Variants in DSCAM observed in about 807,000 individuals in gnomAD.
DSCAM encodes the protein cell adhesion molecule DSCAM.
Under a neutral mutation model 217.7 loss-of-function variants are expected in DSCAM, and 47 were observed. That is an observed-to-expected ratio of 0.22 (90% CI 0.17 to 0.28). DSCAM has a LOEUF of 0.28. Ranked by LOEUF, DSCAM falls within the 10% of genes least tolerant of loss-of-function variation. The probability of loss-of-function intolerance (pLI) is 1.00; values close to 1 mark genes in which losing one functional copy is unlikely to be tolerated. For synonymous variants in DSCAM, 1,056 were observed against 1,015.3 expected (o/e 1.04, Z -0.76); for missense variants, 2,080 against 2,618.3 (o/e 0.79, Z 4.49).
At chr21:40,138,649 G>T (rs1425587874) in intron 18 of DSCAM, among the ~76,000 whole-genome samples, 40 of 132,612 alleles carry the variant, frequency 3.0e-4, no homozygotes, top group Non-Finnish European at 5.1e-4. Flanking sequence ...CGTGTGTGTG[G>T]GGGGTGTGTG....
At chr21:40,594,662 A>T (rs1470865087) in intron 3 of DSCAM, among the ~76,000 whole-genome samples, 1 of 152,206 alleles carries the variant, frequency 6.6e-6, no homozygotes, top group Non-Finnish European at 1.5e-5. Flanking sequence ...GTGTGAACAG[A>T]GGGTCGCATG....
At chr21:40,502,547 A>G (rs1438269282) in intron 3 of DSCAM, among the ~76,000 whole-genome samples, 1 of 152,098 alleles carries the variant, frequency 6.6e-6, no homozygotes, top group Non-Finnish European at 1.5e-5. Context: ...ATTTTTTCCA[A>G]TGTCTAGAGG....
chr21:40,502,339 T>C (rs1361750228), intron 3 of DSCAM, among the ~76,000 whole-genome samples: 2 of 152,160 alleles, frequency 1.3e-5, no homozygotes, highest in African/African-American at 4.8e-5. Flanking sequence ...CATCATGGAT[T>C]TTATCTAATT....
chr21:40,098,769 C>T (rs542889612), intron 20 of DSCAM, among the ~76,000 whole-genome samples: 9 of 152,282 alleles, frequency 5.9e-5, no homozygotes, highest in African/African-American at 2.2e-4. Flanking sequence ...TGTGGGTACA[C>T]AGTGTCAGAT....
chr21:40,606,124 A>C (rs2089234756), intron 3 of DSCAM, among the ~76,000 whole-genome samples: 2 of 152,190 alleles, frequency 1.3e-5, no homozygotes, highest in African/African-American at 2.4e-5. Context: ...ATTTCCATAA[A>C]AATGTTATAT....
intron 32 of DSCAM, among the ~76,000 whole-genome samples, chr21:40,037,448 C>G (rs1384729947): frequency 7.0e-6 from 1 of 142,982 alleles, no homozygotes. Flanking sequence ...ACCTAGGAAT[C>G]CAACTTACAA....
intron 3 of DSCAM, among the ~76,000 whole-genome samples, chr21:40,561,765 T>C (rs2076722207): frequency 7.2e-6 from 1 of 138,120 alleles, no homozygotes; most frequent in African/African-American, 2.6e-5. Flanking sequence ...TGAACTAAGC[T>C]GTCTTCAGTT....
intron 23 of DSCAM, among the ~76,000 whole-genome samples, chr21:40,084,920 T>C (rs2089511409): frequency 6.6e-6 from 1 of 152,192 alleles, no homozygotes; most frequent in Non-Finnish European, 1.5e-5. Flanking sequence ...ATTGATTTTA[T>C]TTTTACTTGC....
At chr21:40,100,482 T>C (rs2089736022) in intron 20 of DSCAM, among the ~76,000 whole-genome samples, 2 of 152,212 alleles carry the variant, frequency 1.3e-5, no homozygotes, top group Admixed American at 1.3e-4. Context: ...AACAATCCAA[T>C]AGTGTGTAAA....
rs538380092 is a variant in DSCAM, at chr21:40,543,748, G to A, written c.508+149062C>T. On this transcript the variant is annotated intron_variant, in intron 3 of 32. Coordinates refer to ENST00000400454, the MANE Select transcript of DSCAM (RefSeq NM_001389.5). The stretch of plus-strand genomic sequence containing the variant: ...CTCATGAGTCTCTGGTCACCTAGCC[G>A]CCAAGCATTACTTTAGTAATTTTAG... Among the ~76,000 whole-genome samples, 94 of 152,180 alleles carry A rather than the reference G, an allele frequency of 6.2e-4. No individual in the cohort carries two copies. The South Asian group carries it at 0.016, about 26-fold the overall frequency.
intron 6 of DSCAM, among the ~76,000 whole-genome samples, chr21:40,344,969 TTC>T (rs2074542349): frequency 6.6e-6 from 1 of 152,212 alleles, no homozygotes; most frequent in African/African-American, 2.4e-5. Context: ...GCAGTCTTCT[TTC>T]TCTCCATGCT....
intron 19 of DSCAM, among the ~76,000 whole-genome samples, chr21:40,125,557 C>T (rs116055060): frequency 4.7e-4 from 72 of 152,320 alleles, no homozygotes; most frequent in African/African-American, 1.4e-3. Flanking sequence ...TTCTCATAAT[C>T]GTCACCTTGA....
intron 26 of DSCAM, among the ~76,000 whole-genome samples, chr21:40,076,034 T>C (rs1050705021): frequency 6.6e-6 from 1 of 152,038 alleles, no homozygotes; most frequent in African/African-American, 2.4e-5. Flanking sequence ...CACTGCACTT[T>C]CCATGTACAA....
chr21:40,510,580 A>C (rs937406195), intron 3 of DSCAM, among the ~76,000 whole-genome samples: 11 of 152,216 alleles, frequency 7.2e-5, no homozygotes, highest in African/African-American at 1.4e-4. Context: ...TTCCAGAGTC[A>C]GCTAGGAGTT....
Position 40,144,373 on chromosome 21 carries a change from C to T in DSCAM, c.3259+118G>A, listed in dbSNP as rs1345594377. ...GGCTTTTCCACCCGAGACCCCAGGC[C>T]CTGCAGGTCACTGCAAAGTCGTGGG... On this transcript the variant is annotated intron_variant, in intron 17 of 32. Transcript: ENST00000400454. The surrounding 1 kb of genome is among the most constrained non-coding windows in gnomAD (Gnocchi z 4.8). 3.4e-6 allele frequency: 5 copies of T among 1,480,340 alleles called. No homozygotes were observed. Among genetic ancestry groups the T allele is most frequent in the Non-Finnish European group, 4.6e-6 (5 of 1,095,600 alleles). The allele number at this position is 1,480,340 out of a possible 1,614,324, so 91.7% of individuals were successfully genotyped here.
intron 18 of DSCAM, among the ~76,000 whole-genome samples, chr21:40,141,353 G>A (rs569545880): frequency 2.0e-4 from 30 of 152,284 alleles, no homozygotes; most frequent in African/African-American, 6.5e-4. Flanking sequence ...GGTGGGTCAC[G>A]CCTGTAATCC....
intron 16 of DSCAM, among the ~76,000 whole-genome samples, chr21:40,158,442 A>C (rs2146753276): frequency 6.6e-6 from 1 of 152,270 alleles, no homozygotes; most frequent in East Asian, 1.9e-4. Context: ...AAAAGAAAAG[A>C]AACAGTTGTC....
chr21:40,745,714 G>A (rs989171639), intron 1 of DSCAM, among the ~76,000 whole-genome samples: 5 of 152,076 alleles, frequency 3.3e-5, no homozygotes, highest in Admixed American at 6.6e-5. Context: ...AGATCTAACG[G>A]TATAAAATTC....
At chr21:40,765,528 T>A (rs952109961) in intron 1 of DSCAM, among the ~76,000 whole-genome samples, 11 of 152,008 alleles carry the variant, frequency 7.2e-5, no homozygotes, top group African/African-American at 1.2e-4. Context: ...AGAAAAAAAA[T>A]TTTTTTAAAC....
Sources: gnomAD v4.1 joint callset for allele counts (sites outside exome capture counted in the v4.1 genomes callset) on GRCh38, gnomAD v4.1.1 for gene constraint, Gnocchi (gnomAD v3.1) non-coding constraint, MANE v1.5 for transcripts, NCBI Gene and HGNC (gene_info 2026-07-23, HGNC 2026-07-21) for gene names.